The following HID1 variants were observed in gnomAD, a reference collection of about 807,000 sequenced individuals.
HID1 encodes the protein HID1 domain containing.
HID1 carries 42 observed loss-of-function variants against 89.7 expected under a neutral mutation model. The ratio of observed to expected loss-of-function variants is 0.47; its 90% CI spans 0.37 to 0.61. The LOEUF is 0.61. Among genes scored for constraint, HID1 ranks in the 20% least tolerant of loss-of-function variants. The pLI, the probability that HID1 is intolerant of heterozygous loss-of-function variation, is 0.00. For synonymous variants in HID1, 442 were observed against 433.8 expected (o/e 1.02, Z -0.24); for missense variants, 854 against 1,039.3 (o/e 0.82, Z 2.45).
intron 1 of HID1, among the ~76,000 whole-genome samples, chr17:74,967,089 A>C (rs929896270): frequency 6.6e-6 from 1 of 151,846 alleles, no homozygotes; most frequent in African/African-American, 2.4e-5. Context: ...AAATACAAAA[A>C]TTAGCTGGGT....
In HID1 at chr17:74,951,618, A is replaced by T. The variant is rs759451729; in HGVS notation, c.2319T>A (p.Pro773=). Reference sequence around the variant, plus strand: ...GCTTCACGTCGGTGTCGTACCAGACAGGGGGGTCCACATTCCTGTGGAGGA... The same window carrying T: ...GCTTCACGTCGGTGTCGTACCAGACTGGGGGGTCCACATTCCTGTGGAGGA... The part of the protein sequence containing the change: ...GVIYLRNVDP[P]VWYDTDVKLF... The change falls in exon 19 of 19, where the codon CCT becomes CCA. Residue 773 remains proline, a synonymous_variant. Coordinates refer to ENST00000425042, the MANE Select transcript of HID1 (RefSeq NM_030630.3). 9 of 1,612,782 alleles carry T rather than the reference A, an allele frequency of 5.6e-6. No individual in the cohort carries two copies. Among genetic ancestry groups the T allele is most frequent in the Non-Finnish European group, 7.6e-6 (9 of 1,179,532 alleles).
At chr17:74,951,743 C>T in intron 18 of HID1, 110 bp from the exon 19 acceptor site, 2 of 1,369,520 alleles carry the variant, frequency 1.5e-6, no homozygotes, top group African/African-American at 1.4e-5. Flanking sequence ...TCCCGATGTC[C>T]CACCCTGGGC....
chr17:74,957,212 A>G lies in HID1; in HGVS notation c.1471+929T>C, dbSNP rs139608638. Among the ~76,000 whole-genome samples, 379 of 151,992 alleles carry G rather than the reference A, an allele frequency of 2.5e-3. 2 individuals are homozygous for G. The highest frequency in any genetic ancestry group is 8.7e-3 in the African/African-American group (360 of 41,456). ...AATATGGCCGGGTGTGGTGGTTCAC[A>G]CCTGTAACCCCAGCGCTTTGGGAGG... On this transcript the variant is annotated intron_variant, in intron 12 of 18. Coordinates refer to ENST00000425042, the MANE Select transcript of HID1 (RefSeq NM_030630.3).
In HID1 at chr17:74,958,520, G is replaced by A. The variant is rs1443503977; in HGVS notation, c.1241-42C>T. ...GGGAGGGGTCACTCGGGTGGGAGGG[G>A]GAAGGAGGGGCCCAGGCAGTGACCA... On this transcript the variant is annotated intron_variant, in intron 10 of 18. Coordinates refer to ENST00000425042, the MANE Select transcript of HID1 (RefSeq NM_030630.3). This position sits in a 1 kb window ranked among gnomAD's most constrained non-coding sequence, Gnocchi z 5.2. 6.4e-7 allele frequency: 1 copy of A among 1,572,828 alleles called. No individual in the cohort carries two copies. The highest frequency in any genetic ancestry group is 8.6e-7 in the Non-Finnish European group (1 of 1,159,314).
rs1445343164 is a variant in HID1, at chr17:74,959,111, C to T, written c.1009-60G>A. The T allele has an allele frequency of 2.0e-6, 3 of 1,476,016 alleles. No homozygotes were observed. Among genetic ancestry groups the T allele is most frequent in the African/African-American group, 2.8e-5 (2 of 71,374 alleles). 91.4% of individuals were successfully genotyped at this position (1,476,016 alleles called of 1,614,324 possible). On this transcript the variant is annotated intron_variant, in intron 8 of 18. Coordinates refer to ENST00000425042, the MANE Select transcript of HID1 (RefSeq NM_030630.3). This position sits in a 1 kb window ranked among gnomAD's most constrained non-coding sequence, Gnocchi z 4.6. ...CCCAATCCCTGCAGCTCCAGTTTCCCAGCCCAGGCCCCCAACAAATCCCCC... is the reference window on the plus strand; with the variant it reads ...CCCAATCCCTGCAGCTCCAGTTTCCTAGCCCAGGCCCCCAACAAATCCCCC...
rs780448058 is a variant in HID1, at chr17:74,972,674, CG to C, written c.-19del. The C allele has an allele frequency of 6.5e-7, 1 of 1,534,162 alleles. No individual in the cohort carries two copies. Among genetic ancestry groups the C allele is most frequent in the South Asian group, 1.2e-5 (1 of 82,018 alleles). On this transcript the variant is annotated 5_prime_UTR_variant, in exon 1 of 19. Coordinates refer to ENST00000425042, the MANE Select transcript of HID1 (RefSeq NM_030630.3). This position sits in a 1 kb window ranked among gnomAD's most constrained non-coding sequence, Gnocchi z 6.4. ...GACCCCATGTCTCTGGAGCCCGCTC[CG>C]GCCCGGCCCCCGCCCAGACTCCAAC...
chr17:74,960,264 G>T lies in HID1; in HGVS notation c.729-16C>A. On this transcript the variant is annotated splice_polypyrimidine_tract_variant and intron_variant, in intron 6 of 18. Transcript: ENST00000425042. Reference sequence around the variant, plus strand: ...CAGGGCATGTCTGCAGCAGGAGAGGGACAAGGCTGCAGAGGCTGCACTGGG... The same window carrying T: ...CAGGGCATGTCTGCAGCAGGAGAGGTACAAGGCTGCAGAGGCTGCACTGGG... 1 of 1,597,284 alleles carries T rather than the reference G, an allele frequency of 6.3e-7. No individual in the cohort carries two copies. The highest frequency in any genetic ancestry group is 8.5e-7 in the Non-Finnish European group (1 of 1,174,352).
chr17:74,959,179 GC>G lies in HID1; in HGVS notation c.1009-129del. The stretch of plus-strand genomic sequence containing the variant: ...CAGATCCCACCTCCAGAGCCAGAGG[GC>G]CCAGATGCTATCACCCATAGCTGTC... On this transcript the variant is annotated intron_variant, in intron 8 of 18. Coordinates refer to ENST00000425042, the MANE Select transcript of HID1 (RefSeq NM_030630.3). This position sits in a 1 kb window ranked among gnomAD's most constrained non-coding sequence, Gnocchi z 4.6. 1 of 1,105,556 alleles carries G rather than the reference GC, an allele frequency of 9.0e-7. No individual in the cohort carries two copies. Among genetic ancestry groups the G allele is most frequent in the Non-Finnish European group, 1.2e-6 (1 of 805,112 alleles). 68.5% of individuals were successfully genotyped at this position (1,105,556 alleles called of 1,614,324 possible).
At chr17:74,971,866 C>T (rs561730239) in intron 1 of HID1, among the ~76,000 whole-genome samples, 2 of 152,284 alleles carry the variant, frequency 1.3e-5, no homozygotes, top group South Asian at 4.1e-4. Flanking sequence ...GACTGAGGGC[C>T]ATCCTGCGGG....
At position 74,961,967 on chromosome 17, in the gene HID1, G is replaced by A; in HGVS notation, c.634C>T (p.Leu212=). The A allele has an allele frequency of 6.3e-7, 1 of 1,595,220 alleles. No homozygotes were observed. The change falls in exon 6 of 19, where the codon CTG becomes TTG. Residue 212 remains leucine (L), a synonymous_variant. Transcript: ENST00000425042. ...MNRMELLKLL[L]TCFSEAMYLP... ...TACATGGCCTCGGAGAAGCATGTCA[G>A]CAGCAGTTTCAGCAGCTCCATCCTT...
chr17:74,965,087 A>C (rs2144823097), intron 1 of HID1, among the ~76,000 whole-genome samples: 1 of 152,330 alleles, frequency 6.6e-6, no homozygotes, highest in South Asian at 2.1e-4. Flanking sequence ...TGCCCGCCAC[A>C]GGCCTCCGGC....
chr17:74,954,411 T>TCCC (rs2039357505), intron 13 of HID1, 46 bp from the exon 14 acceptor site: 1 of 1,547,698 alleles, frequency 6.5e-7, no homozygotes, highest in African/African-American at 1.4e-5. Flanking sequence ...CCCCTCCAGC[T>TCCC]CCCCCCGTCC....
Position 74,954,388 on chromosome 17 carries a change from G to T in HID1, c.1637-23C>A, listed in dbSNP as rs202114160. 1.0e-5 allele frequency: 16 copies of T among 1,551,868 alleles called. No homozygotes were observed. In the South Asian group the frequency reaches 1.4e-4, roughly 14 times the overall value. ...TGCCTGTGGGCAGGGAGCATGCCTC[G>T]CCTCAGGGAGGCCCCCTCCAGCTCC... On this transcript the variant is annotated intron_variant, in intron 13 of 18. Coordinates refer to ENST00000425042, the MANE Select transcript of HID1 (RefSeq NM_030630.3).
At position 74,954,306 on chromosome 17, in the gene HID1, T is replaced by C. The variant is rs2039355203; in HGVS notation, c.1696A>G (p.Asn566Asp). The part of the protein sequence containing the change: ...RKRSIFHQLA[N>D]LPTDPPTIHK... Reference sequence around the variant, plus strand: ...ATGGTGGGCGGGTCCGTGGGCAGGTTGGCCAGCTGGTGGAAGATGCTGCGC... The same window carrying C: ...ATGGTGGGCGGGTCCGTGGGCAGGTCGGCCAGCTGGTGGAAGATGCTGCGC... The change falls in exon 14 of 19, where the codon AAC becomes GAC. Residue 566 changes from asparagine (N) to aspartate (D), a missense_variant. Asn to Asp is a conservative substitution (Grantham distance 23). Transcript: ENST00000425042. 6.3e-7 allele frequency: 1 copy of C among 1,586,942 alleles called. No homozygotes were observed. Among genetic ancestry groups the C allele is most frequent in the Admixed American group, 1.8e-5 (1 of 55,254 alleles).
At chr17:74,956,563 T>C (rs1490877898) in intron 12 of HID1, among the ~76,000 whole-genome samples, 1 of 151,916 alleles carries the variant, frequency 6.6e-6, no homozygotes, top group Non-Finnish European at 1.5e-5. Context: ...CGGAACCAGC[T>C]CAGTTAAGAT....
rs983533353 is a variant in HID1, at chr17:74,951,426, G to T, written c.*144C>A. ...AGTTCACATTGTCCTGGCCACAGGG[G>T]TCTCTAGGGCATGACACTCAGGGCC... On this transcript the variant is annotated 3_prime_UTR_variant, in exon 19 of 19. Coordinates refer to ENST00000425042, the MANE Select transcript of HID1 (RefSeq NM_030630.3). 1.3e-6 allele frequency: 1 copy of T among 756,616 alleles called. No individual in the cohort carries two copies. The allele number at this position is 756,616 out of a possible 1,614,324, so 46.9% of individuals were successfully genotyped here.
At chr17:74,952,914 C>T in intron 16 of HID1, 92 bp downstream of exon 16, 1 of 972,530 alleles carries the variant, frequency 1.0e-6, no homozygotes, top group Non-Finnish European at 1.5e-6. Context: ...CACTGAGCTT[C>T]CCTGGGCCAA....
intron 1 of HID1, among the ~76,000 whole-genome samples, chr17:74,970,517 C>T (rs1362176564): frequency 6.6e-6 from 1 of 152,128 alleles, no homozygotes; most frequent in African/African-American, 2.4e-5. Flanking sequence ...CAGAGCCCCA[C>T]CTACTATGAG....
intron 6 of HID1, 23 bp downstream of exon 6, chr17:74,961,850 C>T: frequency 7.3e-7 from 1 of 1,372,610 alleles, no homozygotes; most frequent in Non-Finnish European, 9.7e-7. Flanking sequence ...GAAGAGAGCG[C>T]AGAAAGGCCA....
Sources: allele counts gnomAD v4.1 joint callset (sites outside exome capture counted in the v4.1 genomes callset), GRCh38; gene constraint gnomAD v4.1.1; non-coding constraint Gnocchi (gnomAD v3.1); transcripts MANE v1.5; gene names NCBI Gene and HGNC (gene_info 2026-07-23, HGNC 2026-07-21).